The following DRC11 variants were observed in gnomAD, a reference collection of about 807,000 sequenced individuals.
The protein encoded by DRC11 is IQ and AAA domain-containing protein 1.
chr2:236,357,574 T>C, the DRC11 span, among the ~76,000 whole-genome samples: 5 of 127,234 alleles, frequency 3.9e-5, no homozygotes, highest in Non-Finnish European at 6.2e-5. Context: ...ATATGCATAG[T>C]TATATATTAT....
chr2:236,499,847 C>T, the DRC11 span, among the ~76,000 whole-genome samples: 6 of 152,254 alleles, frequency 3.9e-5, no homozygotes, highest in South Asian at 1.0e-3. This position sits in a 1 kb window ranked among gnomAD's most constrained non-coding sequence, Gnocchi z 4.7. Context: ...GATAAGTATC[C>T]ATGGTTAACC....
the DRC11 span, chr2:236,343,903 T>C: frequency 2.4e-6 from 1 of 425,066 alleles, no homozygotes; most frequent in Non-Finnish European, 4.6e-6. This position sits in a 1 kb window ranked among gnomAD's most constrained non-coding sequence, Gnocchi z 6.6. Context: ...AAAAGTGATG[T>C]ATAATACATA....
At chr2:236,507,369 A>C in the DRC11 span, 2 of 1,245,658 alleles carry the variant, frequency 1.6e-6, no homozygotes, top group Non-Finnish European at 2.4e-6. Flanking sequence ...GGAGCTACAG[A>C]GGATTTGGGT....
At chr2:236,403,654 G>A in the DRC11 span, among the ~76,000 whole-genome samples, 1 of 152,138 alleles carries the variant, frequency 6.6e-6, no homozygotes, top group African/African-American at 2.4e-5. Flanking sequence ...TTTAGTTGGT[G>A]TGGCTGAACT....
At chr2:236,341,951 C>T in the DRC11 span, among the ~76,000 whole-genome samples, 2 of 152,188 alleles carry the variant, frequency 1.3e-5, no homozygotes, top group Admixed American at 1.3e-4. Flanking sequence ...ATGTCCCCCA[C>T]CGCCACCGGG....
the DRC11 span, among the ~76,000 whole-genome samples, chr2:236,347,839 C>T: frequency 6.7e-6 from 1 of 150,004 alleles, no homozygotes; most frequent in Non-Finnish European, 1.5e-5. Context: ...CCACCTGTAC[C>T]CCCAATAACT....
At chr2:236,502,548 C>CAAAAAAAAAAAAAAAAA in the DRC11 span, among the ~76,000 whole-genome samples, 18 of 15,092 alleles carry the variant, frequency 1.2e-3, no homozygotes, top group African/African-American at 2.4e-3. Context: ...TGCACTCCAG[C>CAAAAAAAAAAAAAAAAA]AAAAAAAAAA....
At chr2:236,470,598 C>T in the DRC11 span, among the ~76,000 whole-genome samples, 1 of 152,110 alleles carries the variant, frequency 6.6e-6, no homozygotes, top group Non-Finnish European at 1.5e-5. The surrounding 1 kb of genome is among the most constrained non-coding windows in gnomAD (Gnocchi z 5.1). Flanking sequence ...GGGAGGTGTT[C>T]TTTAGTTTGT....
the DRC11 span, among the ~76,000 whole-genome samples, chr2:236,435,178 C>T: frequency 1.3e-5 from 2 of 152,240 alleles, no homozygotes; most frequent in South Asian, 2.1e-4. Context: ...AGTCCTGAAA[C>T]CCCGAGCTAA....
At chr2:236,460,306 AG>A in the DRC11 span, among the ~76,000 whole-genome samples, 1 of 152,174 alleles carries the variant, frequency 6.6e-6, no homozygotes, top group Admixed American at 6.5e-5. This position sits in a 1 kb window ranked among gnomAD's most constrained non-coding sequence, Gnocchi z 4.0. Flanking sequence ...CAGGCCGGTG[AG>A]GGCTGGATCT....
At chr2:236,376,202 A>C in the DRC11 span, among the ~76,000 whole-genome samples, 2 of 152,236 alleles carry the variant, frequency 1.3e-5, no homozygotes, top group African/African-American at 4.8e-5. This position sits in a 1 kb window ranked among gnomAD's most constrained non-coding sequence, Gnocchi z 5.7. Flanking sequence ...ACCATGACAC[A>C]CATTCAATTG....
At chr2:236,322,923 C>A in the DRC11 span, among the ~76,000 whole-genome samples, 1 of 152,192 alleles carries the variant, frequency 6.6e-6, no homozygotes, top group Admixed American at 6.5e-5. Context: ...GATCACAGAT[C>A]TAGAACTTTT....
At chr2:236,465,640 T>C in the DRC11 span, 8 of 1,613,680 alleles carry the variant, frequency 5.0e-6, no homozygotes, top group Non-Finnish European at 5.1e-6. The surrounding 1 kb of genome is among the most constrained non-coding windows in gnomAD (Gnocchi z 6.2). Flanking sequence ...CTGCACCTCA[T>C]TCCGCAGGCG....
chr2:236,408,003 T>G, the DRC11 span: 1 of 554,536 alleles, frequency 1.8e-6, no homozygotes, highest in Non-Finnish European at 3.5e-6. The surrounding 1 kb of genome is among the most constrained non-coding windows in gnomAD (Gnocchi z 5.5). Flanking sequence ...GAGCCCGCTG[T>G]TTGGTCTCAG....
chr2:236,424,358 T>G, the DRC11 span, among the ~76,000 whole-genome samples: 2 of 152,190 alleles, frequency 1.3e-5, no homozygotes. Flanking sequence ...GTTTATTTCA[T>G]CTCTCTCCTT....
At chr2:236,344,405 A>G in the DRC11 span, among the ~76,000 whole-genome samples, 1 of 152,196 alleles carries the variant, frequency 6.6e-6, no homozygotes, top group Non-Finnish European at 1.5e-5. Flanking sequence ...TTTCAAATAC[A>G]GTTAGGGCAG....
the DRC11 span, among the ~76,000 whole-genome samples, chr2:236,437,708 T>G: frequency 1.8e-4 from 28 of 152,190 alleles, no homozygotes; most frequent in African/African-American, 6.3e-4. Flanking sequence ...CTGAGCATTT[T>G]TTCATGTGTT....
chr2:236,377,160 G>C, the DRC11 span: 2 of 1,612,394 alleles, frequency 1.2e-6, no homozygotes, highest in Non-Finnish European at 1.7e-6. The surrounding 1 kb of genome is among the most constrained non-coding windows in gnomAD (Gnocchi z 4.9). Flanking sequence ...TCTTCCACCA[G>C]TTCCTTATAC....
chr2:236,452,234 A>T, the DRC11 span, among the ~76,000 whole-genome samples: 1 of 152,198 alleles, frequency 6.6e-6, no homozygotes, highest in Non-Finnish European at 1.5e-5. The surrounding 1 kb of genome is among the most constrained non-coding windows in gnomAD (Gnocchi z 4.7). Flanking sequence ...TTCTTGCACA[A>T]ATGTGAAAAT....
Sources: allele counts gnomAD v4.1 joint callset (sites outside exome capture counted in the v4.1 genomes callset), GRCh38; gene constraint gnomAD v4.1.1; non-coding constraint Gnocchi (gnomAD v3.1); transcripts MANE v1.5; gene names NCBI Gene and HGNC (gene_info 2026-07-23, HGNC 2026-07-21).